The following TAFA2 variants were observed in gnomAD, a reference collection of about 807,000 sequenced individuals.
TAFA2 encodes the protein chemokine-like protein TAFA-2.
In TAFA2, 7 loss-of-function variants were observed where a neutral mutation model predicts 18.8. The observed-to-expected ratio is 0.37, with a 90% CI of 0.21 to 0.70. The LOEUF (loss-of-function observed/expected upper bound fraction) is 0.70. Among genes scored for constraint, TAFA2 ranks in the 30% least tolerant of loss-of-function variants. TAFA2 has a pLI of 0.53. For missense variants in TAFA2, 122 were observed against 158.1 expected (o/e 0.77, Z 1.23); for synonymous variants, 60 against 54.2 (o/e 1.11, Z -0.47).
At chr12:62,126,126 C>A (rs1475863630) in intron 1 of TAFA2, among the ~76,000 whole-genome samples, 5 of 152,038 alleles carry the variant, frequency 3.3e-5, no homozygotes, top group African/African-American at 2.4e-5. Flanking sequence ...CCCATATTCT[C>A]CATATTTTAA....
chr12:61,895,046 G>A (rs1360843342), intron 1 of TAFA2, among the ~76,000 whole-genome samples: 5 of 152,068 alleles, frequency 3.3e-5, no homozygotes, highest in African/African-American at 1.2e-4. Flanking sequence ...CACAGACAGA[G>A]CAAAATTGAA....
chr12:62,112,574 G>T (rs1195158309), intron 1 of TAFA2, among the ~76,000 whole-genome samples: 1 of 151,942 alleles, frequency 6.6e-6, no homozygotes. Context: ...ATATCCTGAA[G>T]AATTTCCAAC....
In TAFA2 at chr12:61,817,529, G is replaced by T. The variant is rs1447372792; in HGVS notation, c.106+49791C>A. 3.3e-5 allele frequency among the ~76,000 whole-genome samples: 5 copies of T among 152,030 alleles called. No individual in the cohort carries two copies. The East Asian group carries it at 7.7e-4, about 23-fold the overall frequency. ...ACATACATGATCAATTCCTAGACAAGAATTTTTTCTCCCAAGAGAGAGCTT... is the reference window on the plus strand; with the variant it reads ...ACATACATGATCAATTCCTAGACAATAATTTTTTCTCCCAAGAGAGAGCTT... On this transcript the variant is annotated intron_variant, in intron 2 of 4. Coordinates refer to ENST00000416284, the MANE Select transcript of TAFA2 (RefSeq NM_178539.5).
intron 1 of TAFA2, among the ~76,000 whole-genome samples, chr12:62,138,306 T>G (rs2062214513): frequency 6.6e-6 from 1 of 152,080 alleles, no homozygotes; most frequent in Admixed American, 6.6e-5. Context: ...TAAAATAAAA[T>G]TGTGCACCAA....
chr12:61,829,364 A>G (rs1872634572), intron 2 of TAFA2, among the ~76,000 whole-genome samples: 2 of 151,820 alleles, frequency 1.3e-5, no homozygotes, highest in South Asian at 2.1e-4. Flanking sequence ...TGGATAGATT[A>G]TCATCATTTC....
At chr12:61,828,143 C>T (rs1872590660) in intron 2 of TAFA2, among the ~76,000 whole-genome samples, 1 of 151,904 alleles carries the variant, frequency 6.6e-6, no homozygotes, top group Admixed American at 6.6e-5. Context: ...CCTAACATTT[C>T]AATTTCCCTT....
chr12:62,032,440 G>A (rs932117235), intron 1 of TAFA2, among the ~76,000 whole-genome samples: 2 of 152,084 alleles, frequency 1.3e-5, no homozygotes, highest in African/African-American at 4.8e-5. Flanking sequence ...TCAAATATAT[G>A]TGAAATGTTA....
chr12:62,197,882 G>C (rs1484959804), intron 1 of TAFA2, among the ~76,000 whole-genome samples: 1 of 151,988 alleles, frequency 6.6e-6, no homozygotes, highest in Non-Finnish European at 1.5e-5. Context: ...TTCTAGTTTG[G>C]GGATATTAAA....
At chr12:61,723,629 T>C (rs539725003) in intron 4 of TAFA2, among the ~76,000 whole-genome samples, 1 of 152,218 alleles carries the variant, frequency 6.6e-6, no homozygotes, top group Non-Finnish European at 1.5e-5. Context: ...ACCTCAGATA[T>C]TTAAATTTAT....
chr12:62,148,162 C>CA (rs919040905), intron 1 of TAFA2, among the ~76,000 whole-genome samples: 1 of 151,994 alleles, frequency 6.6e-6, no homozygotes, highest in African/African-American at 2.4e-5. Context: ...TGAGATTTCT[C>CA]AAAAAACTAA....
rs557723239 is a variant in TAFA2 at position 61,741,744 on chromosome 12, G to T, written c.384+11878C>A. Among the ~76,000 whole-genome samples the T allele has an allele frequency of 1.8e-4, 28 of 152,230 alleles. No homozygotes were observed. In the South Asian group the frequency reaches 5.8e-3, roughly 32 times the overall value. ...AACTTGTGAACTCTTGGACAGCAAA[G>T]AGTCATAATTTTTAAAAAATCTGAA... On this transcript the variant is annotated intron_variant, in intron 4 of 4. Coordinates refer to ENST00000416284, the MANE Select transcript of TAFA2 (RefSeq NM_178539.5).
intron 1 of TAFA2, among the ~76,000 whole-genome samples, chr12:62,215,701 G>GAGAAACAACTTGTTTCTCTTGCTTAAT (rs2062732074): frequency 1.5e-5 from 2 of 135,346 alleles, no homozygotes; most frequent in African/African-American, 5.5e-5. Context: ...TCTTGCTTAA[G>GAGAAACAACTTGTTTCTCTTGCTTAAT]AGAAACAACT....
chr12:61,922,187 A>C (rs1877080744), intron 1 of TAFA2, among the ~76,000 whole-genome samples: 1 of 152,216 alleles, frequency 6.6e-6, no homozygotes, highest in African/African-American at 2.4e-5. Flanking sequence ...TGAAGAAACA[A>C]TGCATGTTTG....
chr12:61,754,898 G>T lies in TAFA2; in HGVS notation c.233C>A (p.Thr78Lys), dbSNP rs369853883. The T allele has an allele frequency of 6.2e-6, 10 of 1,612,834 alleles. No individual in the cohort carries two copies. Among genetic ancestry groups the T allele is most frequent in the South Asian group, 1.1e-5 (1 of 91,038 alleles). The change falls in exon 3 of 5, where the codon ACG (threonine) becomes AAG (lysine). Residue 78 changes from threonine to lysine, a missense_variant. By Grantham distance (78) the Thr-to-Lys change is moderately conservative. Around this residue, in one of 2 missense-constraint regions of TAFA2, gnomAD observed 60 missense variants for 102.7 expected, o/e 0.58. Coordinates refer to ENST00000416284, the MANE Select transcript of TAFA2 (RefSeq NM_178539.5). ...SCFPGQVAGT[T>K]RAAPSCVDAS... The stretch of plus-strand genomic sequence containing the variant: ...ATCCACACATGATGGAGCAGCTCGC[G>T]TGGTGCCTGCCACCTGCCCAGGGAA...
chr12:62,021,613 C>G, intron 1 of TAFA2: 1 of 1,084,632 alleles, frequency 9.2e-7, no homozygotes, highest in Non-Finnish European at 1.4e-6. Flanking sequence ...TTCTGGCTTC[C>G]CACCCTTCTG....
At chr12:61,998,401 T>C (rs1880271929) in intron 1 of TAFA2, among the ~76,000 whole-genome samples, 1 of 152,202 alleles carries the variant, frequency 6.6e-6, no homozygotes, top group Admixed American at 6.6e-5. Context: ...GATAGCGCTC[T>C]CATGAAGATT....
At chr12:62,221,224 A>AAGGAAGGAAGGGGGGAAGGAAGGAAGGAG (rs1565782397) in intron 1 of TAFA2, among the ~76,000 whole-genome samples, 1 of 70,938 alleles carries the variant, frequency 1.4e-5, no homozygotes, top group African/African-American at 4.3e-5. Flanking sequence ...GGGGGAAGGA[A>AAGGAAGGAAGGGGGGAAGGAAGGAAGGAG]GGAAGGAAGG....
intron 1 of TAFA2, among the ~76,000 whole-genome samples, chr12:62,161,941 T>C (rs1391487767): frequency 6.6e-6 from 1 of 152,188 alleles, no homozygotes; most frequent in Non-Finnish European, 1.5e-5. Context: ...AATTAGCCTA[T>C]GGTAAAATTG....
chr12:61,795,784 G>T (rs7302723), intron 2 of TAFA2, among the ~76,000 whole-genome samples: 68,015 of 150,476 alleles, frequency 0.45, 15,431 homozygotes, highest in Admixed American at 0.54. Context: ...TAAATAAAAA[G>T]AAAAAGAAAA....
Sources: allele counts gnomAD v4.1 joint callset (sites outside exome capture counted in the v4.1 genomes callset), GRCh38; gene constraint gnomAD v4.1.1; regional missense constraint gnomAD v4.1.1; transcripts MANE v1.5; gene names NCBI Gene and HGNC (gene_info 2026-07-23, HGNC 2026-07-21).